ZNF609: variants seen among roughly 807,000 people sequenced by gnomAD.
The protein encoded by ZNF609 is zinc finger protein 609.
A neutral mutation model predicts 109.5 loss-of-function variants in ZNF609; 11 were observed. The observed-to-expected ratio is 0.10, with a 90% CI of 0.06 to 0.17. The LOEUF is 0.17. Ranked by LOEUF, ZNF609 falls within the 10% of genes least tolerant of loss-of-function variation. The probability of loss-of-function intolerance (pLI) is 1.00; values close to 1 mark genes in which losing one functional copy is unlikely to be tolerated. For missense variants in ZNF609, 1,559 were observed against 1,772.4 expected (o/e 0.88, Z 2.16); for synonymous variants, 646 against 662.0 (o/e 0.98, Z 0.37).
chr15:64,499,725 C>G lies in ZNF609; in HGVS notation c.306C>G (p.Pro102=), dbSNP rs1287601702. ...AGAGTGGCAAAGACACTAGCAAACC[C>G]ACTCCAGGGACTTCCCTGTTCACTC... ...RSKSGKDTSK[P]TPGTSLFTPS... Residue 102 remains proline (P), a synonymous_variant, in exon 2 of 10, where the codon CCC becomes CCG. Coordinates refer to ENST00000326648, the MANE Select transcript of ZNF609 (RefSeq NM_015042.2). 1 of 1,614,046 alleles carries G rather than the reference C, an allele frequency of 6.2e-7. No homozygotes were observed. Among genetic ancestry groups the G allele is most frequent in the South Asian group, 1.1e-5 (1 of 91,082 alleles).
chr15:64,620,618 C>G (rs1209125559), intron 2 of ZNF609, among the ~76,000 whole-genome samples: 3 of 152,154 alleles, frequency 2.0e-5, no homozygotes, highest in African/African-American at 7.2e-5. Context: ...CATTTCATTT[C>G]ATGAAAAAGG....
At chr15:64,653,852 C>G (rs1896451463) in intron 3 of ZNF609, among the ~76,000 whole-genome samples, 1 of 152,070 alleles carries the variant, frequency 6.6e-6, no homozygotes, top group Non-Finnish European at 1.5e-5. Flanking sequence ...CTCTCCTAGA[C>G]TGGGAGCCAA....
intron 3 of ZNF609, among the ~76,000 whole-genome samples, chr15:64,645,571 T>G (rs1896323871): frequency 6.6e-6 from 1 of 152,130 alleles, no homozygotes; most frequent in Non-Finnish European, 1.5e-5. Flanking sequence ...TAACTTTTGT[T>G]TATCAAAGGA....
intron 1 of ZNF609, among the ~76,000 whole-genome samples, chr15:64,497,095 A>C (rs1293868635): frequency 6.6e-6 from 1 of 152,232 alleles, no homozygotes; most frequent in Non-Finnish European, 1.5e-5. Context: ...GATTACAGGC[A>C]TGAGCCACCA....
Position 64,682,653 on chromosome 15 carries a change from T to A in ZNF609, c.*967T>A, listed in dbSNP as rs186956641. ...CAGATAAACTAGTATTCCCCCCAGC[T>A]TGGGGAACCTTGGAGTCTGCCAGGT... On this transcript the variant is annotated 3_prime_UTR_variant, in exon 10 of 10. Coordinates refer to ENST00000326648, the MANE Select transcript of ZNF609 (RefSeq NM_015042.2). 422 of 152,782 alleles carry A rather than the reference T, an allele frequency of 2.8e-3. No homozygotes were observed. Among genetic ancestry groups the A allele is most frequent in the Non-Finnish European group, 3.8e-3 (256 of 68,070 alleles). 9.5% of individuals were successfully genotyped at this position (152,782 alleles called of 1,614,324 possible). A position where few individuals can be genotyped will look rare whatever the true frequency, so the allele number is the denominator to read the frequency against.
intron 4 of ZNF609, 59 bp downstream of exon 4, chr15:64,670,492 T>TTA: frequency 7.2e-7 from 1 of 1,393,132 alleles, no homozygotes. Flanking sequence ...TGGTGATCCC[T>TTA]TATACTTTTA....
At chr15:64,569,750 T>C (rs1894832077) in intron 2 of ZNF609, among the ~76,000 whole-genome samples, 1 of 152,262 alleles carries the variant, frequency 6.6e-6, no homozygotes, top group Admixed American at 6.5e-5. Flanking sequence ...GGGTTTATGC[T>C]GGAGAAACAG....
chr15:64,564,970 C>T (rs1340440392), intron 2 of ZNF609, among the ~76,000 whole-genome samples: 1 of 151,898 alleles, frequency 6.6e-6, no homozygotes, highest in South Asian at 2.1e-4. Context: ...GTCTCAGCCT[C>T]CCTAGTAGCT....
At chr15:64,643,137 A>G (rs1348584788) in intron 3 of ZNF609, among the ~76,000 whole-genome samples, 3 of 152,204 alleles carry the variant, frequency 2.0e-5, no homozygotes, top group Non-Finnish European at 4.4e-5. Context: ...ACATTCTCCC[A>G]TCTGAGGCTT....
At chr15:64,549,374 T>TC (rs1315902206) in intron 2 of ZNF609, among the ~76,000 whole-genome samples, 1 of 152,150 alleles carries the variant, frequency 6.6e-6, no homozygotes, top group Non-Finnish European at 1.5e-5. Context: ...TTTGTATTTT[T>TC]AGTAGAAACA....
intron 2 of ZNF609, among the ~76,000 whole-genome samples, chr15:64,596,494 C>T (rs2140943594): frequency 6.6e-6 from 1 of 152,222 alleles, no homozygotes; most frequent in East Asian, 1.9e-4. Context: ...TATGCTGTTC[C>T]CTCTGCCTAT....
intron 2 of ZNF609, among the ~76,000 whole-genome samples, chr15:64,536,769 C>T (rs565502496): frequency 1.1e-3 from 169 of 150,892 alleles, no homozygotes; most frequent in Middle Eastern, 3.4e-3. Flanking sequence ...AGGTGGCATG[C>T]AGGCCTGTCC....
intron 2 of ZNF609, among the ~76,000 whole-genome samples, chr15:64,551,902 G>A (rs1361332573): frequency 2.1e-5 from 3 of 144,062 alleles, no homozygotes; most frequent in African/African-American, 7.5e-5. Context: ...CAGGAGAATC[G>A]CTTAAACCAG....
chr15:64,594,167 A>T (rs1347812662), intron 2 of ZNF609, among the ~76,000 whole-genome samples: 24 of 152,170 alleles, frequency 1.6e-4, no homozygotes, highest in Admixed American at 1.6e-3. Flanking sequence ...GGGCACTGTG[A>T]TTGTTATCTT....
At chr15:64,520,603 G>A (rs910168368) in intron 2 of ZNF609, among the ~76,000 whole-genome samples, 16 of 151,384 alleles carry the variant, frequency 1.1e-4, no homozygotes, top group Non-Finnish European at 1.9e-4. Flanking sequence ...TTTTATTCTC[G>A]TTTTCTTAAA....
intron 3 of ZNF609, among the ~76,000 whole-genome samples, chr15:64,648,041 C>A (rs73454938): frequency 2.6e-5 from 4 of 152,116 alleles, no homozygotes; most frequent in African/African-American, 9.7e-5. Context: ...CTTCTCAGCC[C>A]AAAATAAACC....
intron 2 of ZNF609, among the ~76,000 whole-genome samples, chr15:64,574,532 T>C (rs907130517): frequency 2.6e-5 from 4 of 152,186 alleles, no homozygotes. Context: ...TACAGGCAAG[T>C]ATATGAGAGA....
Position 64,675,938 on chromosome 15 carries a change from C to T in ZNF609, c.3084C>T (p.Gly1028=), listed in dbSNP as rs774855527. The change falls in exon 5 of 10, where the codon GGC becomes GGT. Residue 1028 remains glycine, a synonymous_variant. Transcript: ENST00000326648. ...QRGVDKKAEM[G]LKEREAALKE... ...GAGTGGACAAGAAGGCAGAGATGGG[C>T]CTGAAGGAGCGGGAGGCAGCACTCA... 6.2e-7 allele frequency: 1 copy of T among 1,614,058 alleles called. No individual in the cohort carries two copies. Among genetic ancestry groups the T allele is most frequent in the East Asian group, 2.2e-5 (1 of 44,884 alleles).
chr15:64,579,798 A>G (rs759034409), intron 2 of ZNF609, among the ~76,000 whole-genome samples: 6 of 152,202 alleles, frequency 3.9e-5, no homozygotes, highest in Non-Finnish European at 8.8e-5. Flanking sequence ...TATACCCATC[A>G]ACACATATTA....
Sources: gnomAD v4.1 joint callset for allele counts (sites outside exome capture counted in the v4.1 genomes callset) on GRCh38, gnomAD v4.1.1 for gene constraint, MANE v1.5 for transcripts, NCBI Gene and HGNC (gene_info 2026-07-23, HGNC 2026-07-21) for gene names.